Variants in FOCAD observed in about 807,000 individuals in gnomAD.
The protein encoded by FOCAD is focadhesin, also known as KIAA1797.
A neutral mutation model predicts 225.6 loss-of-function variants in FOCAD; 198 were observed. The ratio of observed to expected loss-of-function variants is 0.88; its 90% confidence interval spans 0.78 to 0.99. FOCAD has a LOEUF of 0.99. FOCAD is among the 50% of genes least tolerant of loss of function. FOCAD has a pLI of 0.00. For missense variants in FOCAD, 2,713 were observed against 2,123.6 expected, an observed-to-expected ratio of 1.28 and a Z score of -5.46; for synonymous variants, 897 against 755.0, an observed-to-expected ratio of 1.19 and a Z score of -3.08.
intron 11 of FOCAD, among the ~76,000 whole-genome samples, chr9:20,801,179 T>G (rs757407895): frequency 6.6e-6 from 1 of 152,100 alleles, no homozygotes; most frequent in African/African-American, 2.4e-5. Flanking sequence ...GGTGAACAGT[T>G]AATGTGACAC....
At chr9:20,949,459 G>T in intron 32 of FOCAD, 145 bp from the exon 33 acceptor site, 1 of 643,450 alleles carries the variant, frequency 1.6e-6, no homozygotes. Context: ...CCTTTGAGGA[G>T]TTCATAGCTT....
chr9:20,739,467 G>A (rs548503414), intron 4 of FOCAD, among the ~76,000 whole-genome samples: 7 of 152,218 alleles, frequency 4.6e-5, no homozygotes, highest in Admixed American at 4.6e-4. Flanking sequence ...GCCAGATGTG[G>A]TGGCACATGC....
intron 1 of FOCAD, among the ~76,000 whole-genome samples, chr9:20,707,971 C>G (rs1824529905): frequency 6.6e-6 from 1 of 152,018 alleles, no homozygotes. Context: ...GACTGGGAAG[C>G]AGTAGATGAG....
chr9:20,860,510 T>C (rs1481346761), intron 15 of FOCAD, among the ~76,000 whole-genome samples: 1 of 152,090 alleles, frequency 6.6e-6, no homozygotes, highest in Non-Finnish European at 1.5e-5. Context: ...TATGCACTGT[T>C]TTCTTTGTTT....
chr9:20,760,975 A>T (rs550498276), intron 6 of FOCAD, among the ~76,000 whole-genome samples: 2 of 151,914 alleles, frequency 1.3e-5, no homozygotes, highest in Admixed American at 1.3e-4. Flanking sequence ...TTTTAATATT[A>T]TGTATATGTC....
intron 2 of FOCAD, among the ~76,000 whole-genome samples, chr9:20,663,861 A>G (rs1029808344): frequency 1.3e-5 from 2 of 152,218 alleles, no homozygotes; most frequent in Non-Finnish European, 2.9e-5. Context: ...TTTTCTCCCA[A>G]TCTTCATACT....
At chr9:20,773,250 CT>C (rs1301456909) in intron 8 of FOCAD, among the ~76,000 whole-genome samples, 2 of 152,170 alleles carry the variant, frequency 1.3e-5, no homozygotes, top group Non-Finnish European at 2.9e-5. Context: ...ATGGCAAACA[CT>C]TTGCTATGGC....
rs371903706 is a variant in FOCAD, at chr9:20,706,852, C to A, written c.-32-8470C>A. Among the ~76,000 whole-genome samples the A allele has an allele frequency of 1.9e-4, 29 of 152,216 alleles. No homozygotes were observed. In the East Asian group the frequency reaches 2.9e-3, roughly 15 times the overall value. On this transcript the variant is annotated intron_variant, in intron 1 of 43. Coordinates refer to ENST00000338382, the MANE Select transcript of FOCAD (RefSeq NM_001375567.1). ...TGCAGCAAGCTATCATTTAGGGATC[C>A]ACGTTCTTCCCATTTTGTTTCTTCA...
chr9:20,824,608 A>C (rs1824679403), intron 15 of FOCAD, among the ~76,000 whole-genome samples: 1 of 152,044 alleles, frequency 6.6e-6, no homozygotes, highest in African/African-American at 2.4e-5. Context: ...TTAGTACTGA[A>C]GATAAATTTT....
chr9:20,854,125 C>G (rs748974755), intron 15 of FOCAD, among the ~76,000 whole-genome samples: 7 of 151,636 alleles, frequency 4.6e-5, no homozygotes, highest in Non-Finnish European at 8.9e-5. Flanking sequence ...ATAAAGCTTT[C>G]CTCTGTTGGA....
Position 20,716,269 on chromosome 9 carries a change from C to T in FOCAD, c.57+859C>T, listed in dbSNP as rs559604041. On this transcript the variant is annotated intron_variant, in intron 2 of 43. Coordinates refer to ENST00000338382, the MANE Select transcript of FOCAD (RefSeq NM_001375567.1). The stretch of plus-strand genomic sequence containing the variant: ...TATTCACAGTTTTATTTTTCTGTGC[C>T]TGGAGTCTCTTTGTTAACATAGATA... 1.4e-4 allele frequency: 45 copies of T among 333,070 alleles called. 1 individual carries two copies. The highest frequency in any genetic ancestry group is 1.2e-3 in the South Asian group (41 of 34,560). 20.6% of individuals were successfully genotyped at this position (333,070 alleles called of 1,614,324 possible).
At chr9:20,785,010 T>C (rs1443557433) in intron 10 of FOCAD, among the ~76,000 whole-genome samples, 1 of 151,890 alleles carries the variant, frequency 6.6e-6, no homozygotes, top group African/African-American at 2.4e-5. Flanking sequence ...CCTGGTAAAA[T>C]GGGCAACAAA....
In FOCAD at chr9:20,993,990, T is replaced by A. The variant is rs540217565; in HGVS notation, c.5332+662T>A. On this transcript the variant is annotated intron_variant, in intron 43 of 43. Coordinates refer to ENST00000338382, the MANE Select transcript of FOCAD (RefSeq NM_001375567.1). Reference sequence around the variant, plus strand: ...ATTTTTATATTTTCCATAAGAAGTTTTTTCCTGCTTCTGTGTGTGTTGTCT... The same window carrying A: ...ATTTTTATATTTTCCATAAGAAGTTATTTCCTGCTTCTGTGTGTGTTGTCT... Among the ~76,000 whole-genome samples, 5 of 152,334 alleles carry A rather than the reference T, an allele frequency of 3.3e-5. No individual in the cohort carries two copies. In the East Asian group the frequency reaches 9.6e-4, roughly 29 times the overall value.
Position 20,818,836 on chromosome 9 carries a change from A to T in FOCAD, c.1456-960A>T, listed in dbSNP as rs528009077. On this transcript the variant is annotated intron_variant, in intron 11 of 43. Coordinates refer to ENST00000338382, the MANE Select transcript of FOCAD (RefSeq NM_001375567.1). ...AACTTTGTTTTTCTTTTTCAGGATT[A>T]TTTAGGGTATTTAGGGTTCCTTGCT... 1.9e-4 allele frequency among the ~76,000 whole-genome samples: 29 copies of T among 152,154 alleles called. 1 individual carries two copies. In the South Asian group the frequency reaches 5.2e-3, roughly 27 times the overall value.
intron 21 of FOCAD, among the ~76,000 whole-genome samples, chr9:20,886,804 G>A (rs1186068741): frequency 1.3e-5 from 2 of 152,206 alleles, no homozygotes; most frequent in Non-Finnish European, 2.9e-5. Flanking sequence ...GACCCATGAA[G>A]TTTCTCAAAC....
intron 21 of FOCAD, among the ~76,000 whole-genome samples, chr9:20,888,950 A>G (rs1385806868): frequency 1.3e-5 from 2 of 152,174 alleles, no homozygotes; most frequent in South Asian, 2.1e-4. Flanking sequence ...TGTCTTTATC[A>G]GCAGTGTGAA....
At chr9:20,989,133 A>G (rs1239995828) in intron 41 of FOCAD, among the ~76,000 whole-genome samples, 2 of 152,152 alleles carry the variant, frequency 1.3e-5, no homozygotes, top group African/African-American at 4.8e-5. Context: ...TTCTGTAGGC[A>G]TGCTTCATGA....
At chr9:20,708,244 A>G (rs925519046) in intron 1 of FOCAD, among the ~76,000 whole-genome samples, 4 of 152,228 alleles carry the variant, frequency 2.6e-5, no homozygotes, top group African/African-American at 9.6e-5. Flanking sequence ...ATATTTGTTT[A>G]AAAGTATGGT....
intron 9 of FOCAD, among the ~76,000 whole-genome samples, chr9:20,779,931 T>G (rs1295195432): frequency 6.6e-6 from 1 of 152,190 alleles, no homozygotes; most frequent in Non-Finnish European, 1.5e-5. Flanking sequence ...ATTTGGCTAC[T>G]GGCTTTATGT....
Sources: allele counts gnomAD v4.1 joint callset (sites outside exome capture counted in the v4.1 genomes callset), GRCh38; gene constraint gnomAD v4.1.1; transcripts MANE v1.5; gene names NCBI Gene and HGNC (gene_info 2026-07-23, HGNC 2026-07-21).